The following MAMDC2 variants were observed in gnomAD, a reference collection of about 807,000 sequenced individuals.
MAMDC2 encodes MAM domain-containing protein 2.
A neutral mutation model predicts 89.8 loss-of-function variants in MAMDC2; 57 were observed. The ratio of observed to expected loss-of-function variants is 0.63; its 90% CI spans 0.51 to 0.79. The LOEUF (loss-of-function observed/expected upper bound fraction) is 0.79. Among genes scored for constraint, MAMDC2 ranks in the 30% least tolerant of loss-of-function variants. MAMDC2 has a pLI of 0.00. For missense variants in MAMDC2, 800 were observed against 820.6 expected (o/e 0.97, Z 0.31); for synonymous variants, 313 against 293.4 (o/e 1.07, Z -0.68).
rs539045433 is a variant in MAMDC2, at chr9:70,194,925, C to T, written c.1652-23412C>T. The stretch of plus-strand genomic sequence containing the variant: ...TACCCAGGTTACATTACATTTACCA[C>T]CAGGTAATTCAAGTGGTAAGTACAT... On this transcript the variant is annotated intron_variant, in intron 11 of 13. Transcript: ENST00000377182. Among the ~76,000 whole-genome samples, 63 of 152,110 alleles carry T rather than the reference C, an allele frequency of 4.1e-4. No individual in the cohort carries two copies. The South Asian group carries it at 0.012, about 29-fold the overall frequency.
At chr9:70,130,682 G>A (rs1306460080) in intron 6 of MAMDC2, among the ~76,000 whole-genome samples, 2 of 152,094 alleles carry the variant, frequency 1.3e-5, no homozygotes, top group South Asian at 4.1e-4. Flanking sequence ...TCTGACTGCT[G>A]CATCTTTGTC....
intron 8 of MAMDC2, 48 bp downstream of exon 8, chr9:70,140,336 C>A: frequency 6.6e-7 from 1 of 1,524,370 alleles, no homozygotes; most frequent in Non-Finnish European, 8.7e-7. Context: ...TAGTCGTGAG[C>A]TTTATTGGCC....
chr9:70,207,477 TTTGA>T (rs1349991762), intron 11 of MAMDC2, among the ~76,000 whole-genome samples: 2 of 151,446 alleles, frequency 1.3e-5, no homozygotes. Context: ...GATGGGGCTG[TTTGA>T]TTTTTTTCTT....
intron 11 of MAMDC2, among the ~76,000 whole-genome samples, chr9:70,209,941 G>T (rs969522212): frequency 6.6e-6 from 1 of 152,142 alleles, no homozygotes; most frequent in Non-Finnish European, 1.5e-5. Flanking sequence ...GTAGTTGAGC[G>T]GTTTTGAGTG....
At chr9:70,048,178 T>C (rs1826803212) in intron 2 of MAMDC2, among the ~76,000 whole-genome samples, 1 of 152,202 alleles carries the variant, frequency 6.6e-6, no homozygotes, top group African/African-American at 2.4e-5. Context: ...TTTCCCTAAC[T>C]TGTCAAGGGA....
At chr9:70,141,501 A>G (rs1563972335) in intron 8 of MAMDC2, among the ~76,000 whole-genome samples, 1 of 152,220 alleles carries the variant, frequency 6.6e-6, no homozygotes, top group Non-Finnish European at 1.5e-5. Flanking sequence ...ACTTATAAGC[A>G]CAGGTTGTGG....
chr9:70,122,765 T>G (rs2030342480), intron 5 of MAMDC2, among the ~76,000 whole-genome samples: 1 of 152,214 alleles, frequency 6.6e-6, no homozygotes, highest in African/African-American at 2.4e-5. Flanking sequence ...ATTTTATTTA[T>G]TTTTATTTTT....
intron 9 of MAMDC2, among the ~76,000 whole-genome samples, chr9:70,149,840 A>G (rs2031529065): frequency 6.6e-6 from 1 of 152,240 alleles, no homozygotes; most frequent in African/African-American, 2.4e-5. Context: ...CGTGTATTTC[A>G]GGCTCATATG....
chr9:70,181,649 C>T (rs1426077926), intron 11 of MAMDC2, among the ~76,000 whole-genome samples: 1 of 152,026 alleles, frequency 6.6e-6, no homozygotes, highest in East Asian at 1.9e-4. Flanking sequence ...TTATTTGGCT[C>T]TCTGCTTGTC....
chr9:70,185,007 T>C (rs544132351), intron 11 of MAMDC2, among the ~76,000 whole-genome samples: 3 of 152,372 alleles, frequency 2.0e-5, no homozygotes, highest in Middle Eastern at 6.8e-3. Flanking sequence ...TTTACTCATC[T>C]TCATGGATTT....
In MAMDC2 at chr9:70,121,801, G is replaced by A. The variant is rs2030299031; in HGVS notation, c.644-4358G>A. On this transcript the variant is annotated intron_variant, in intron 5 of 13. Transcript: ENST00000377182. ...AGGAGTGTTGGGTTCATTGAACTAG[G>A]CAGGAAGATTCTCCTAATATCAGAC... Among the ~76,000 whole-genome samples, 8 of 151,826 alleles carry A rather than the reference G, an allele frequency of 5.3e-5. No homozygotes were observed. In the South Asian group the frequency reaches 1.7e-3, roughly 31 times the overall value.
At chr9:70,141,586 T>C (rs949678429) in intron 8 of MAMDC2, among the ~76,000 whole-genome samples, 1 of 152,200 alleles carries the variant, frequency 6.6e-6, no homozygotes, top group African/African-American at 2.4e-5. Flanking sequence ...ATTAAAGTGA[T>C]GTAAGACAGA....
At chr9:70,152,048 AG>A (rs1396323309) in intron 9 of MAMDC2, among the ~76,000 whole-genome samples, 1 of 152,158 alleles carries the variant, frequency 6.6e-6, no homozygotes, top group Admixed American at 6.5e-5. Context: ...AGAACTGTAA[AG>A]AAGTCCAGCC....
At chr9:70,096,278 A>T (rs1016914479) in intron 2 of MAMDC2, among the ~76,000 whole-genome samples, 3 of 152,116 alleles carry the variant, frequency 2.0e-5, no homozygotes, top group African/African-American at 7.2e-5. Context: ...TCAGCCTCCC[A>T]AAGTGCTGGG....
chr9:70,139,235 AG>A (rs1348161831), intron 7 of MAMDC2, among the ~76,000 whole-genome samples: 4 of 145,208 alleles, frequency 2.8e-5, no homozygotes, highest in Non-Finnish European at 6.1e-5. Context: ...CTCGTCATTT[AG>A]CATTAGGTAT....
chr9:70,225,851 A>T lies in MAMDC2; in HGVS notation c.1996+17A>T. The T allele has an allele frequency of 1.3e-6, 2 of 1,578,624 alleles. No homozygotes were observed. The highest frequency in any genetic ancestry group is 1.7e-6 in the Non-Finnish European group (2 of 1,149,486). ...CCTGTGGAGGTAATATTTTTTCCCA[A>T]TCATATAAGCTTGACTGAAAATGGA... On this transcript the variant is annotated intron_variant, in intron 13 of 13. Coordinates refer to ENST00000377182, the MANE Select transcript of MAMDC2 (RefSeq NM_153267.5).
At chr9:70,199,879 C>T (rs1033332239) in intron 11 of MAMDC2, among the ~76,000 whole-genome samples, 1 of 151,342 alleles carries the variant, frequency 6.6e-6, no homozygotes, top group Admixed American at 6.6e-5. Context: ...ATGTCCTTCG[C>T]CCACTTTTTG....
At chr9:70,185,227 G>C (rs2032726884) in intron 11 of MAMDC2, among the ~76,000 whole-genome samples, 1 of 152,222 alleles carries the variant, frequency 6.6e-6, no homozygotes, top group African/African-American at 2.4e-5. Context: ...GAACAGCAAA[G>C]ATTGCTGCTT....
At chr9:70,091,301 A>G (rs936535476) in intron 2 of MAMDC2, among the ~76,000 whole-genome samples, 3 of 152,128 alleles carry the variant, frequency 2.0e-5, no homozygotes, top group African/African-American at 4.8e-5. Context: ...GCCCACTGCT[A>G]TGCTGGAGTA....
Sources: allele counts gnomAD v4.1 joint callset (sites outside exome capture counted in the v4.1 genomes callset), GRCh38; gene constraint gnomAD v4.1.1; transcripts MANE v1.5; gene names NCBI Gene and HGNC (gene_info 2026-07-23, HGNC 2026-07-21).